The following CLRN1 variants were observed in gnomAD, a reference collection of about 807,000 sequenced individuals.
The protein encoded by CLRN1 is clarin-1.
CLRN1 carries 15 observed loss-of-function variants against 18.7 expected under a neutral mutation model. That is an observed-to-expected ratio of 0.80 (90% CI 0.54 to 1.23). The LOEUF (loss-of-function observed/expected upper bound fraction) is 1.23, where lower values mean the gene tolerates loss of function less well. Among genes scored for constraint, CLRN1 ranks in the 50% most tolerant of loss-of-function variants. The probability of loss-of-function intolerance (pLI) is 0.00; values close to 1 mark genes in which losing one functional copy is unlikely to be tolerated. For missense variants in CLRN1, 311 were observed against 277.5 expected, an observed-to-expected ratio of 1.12 and a Z score of -0.86; for synonymous variants, 104 against 102.9, an observed-to-expected ratio of 1.01 and a Z score of -0.07.
chr3:150,971,085 C>A (rs1052200310), intron 1 of CLRN1, among the ~76,000 whole-genome samples: 6 of 152,198 alleles, frequency 3.9e-5, no homozygotes, highest in Non-Finnish European at 5.9e-5. Context: ...CTGTGAGAAG[C>A]TTTACTCACG....
At chr3:150,961,382 G>A (rs531031914) in intron 1 of CLRN1, among the ~76,000 whole-genome samples, 2 of 152,316 alleles carry the variant, frequency 1.3e-5, no homozygotes, top group East Asian at 1.9e-4. Flanking sequence ...CTCAGGATCA[G>A]TAGTTTTAAG....
chr3:150,968,773 A>G (rs948371551), intron 1 of CLRN1, among the ~76,000 whole-genome samples: 21 of 152,190 alleles, frequency 1.4e-4, no homozygotes, highest in Non-Finnish European at 8.8e-5. Context: ...ACTTGTTCAG[A>G]GCAAATCCCC....
In CLRN1 at chr3:150,927,600, C is replaced by G. The variant is rs1294012378; in HGVS notation, c.*336G>C. 4 of 485,218 alleles carry G rather than the reference C, an allele frequency of 8.2e-6. No homozygotes were observed. The highest frequency in any genetic ancestry group is 1.6e-5 in the Non-Finnish European group (4 of 249,448). The allele number at this position is 485,218 out of a possible 1,614,324, so 30.1% of individuals were successfully genotyped here. On this transcript the variant is annotated 3_prime_UTR_variant, in exon 3 of 3. Transcript: ENST00000327047. ...TTTTTATTAAAATATATTCCATGTG[C>G]CTTTGATATCTTTTTGATAGGAAGA...
At chr3:150,964,961 G>A (rs891854200) in intron 1 of CLRN1, among the ~76,000 whole-genome samples, 9 of 152,108 alleles carry the variant, frequency 5.9e-5, no homozygotes, top group African/African-American at 2.2e-4. Context: ...ATGACAGGTT[G>A]ATGGGTGCAA....
intron 1 of CLRN1, among the ~76,000 whole-genome samples, chr3:150,964,315 C>T (rs866208922): frequency 2.0e-5 from 3 of 152,166 alleles, no homozygotes; most frequent in Non-Finnish European, 4.4e-5. Context: ...AGCTCATCAT[C>T]ACTTGTCATT....
rs950048653 is a variant in CLRN1 at position 150,927,191 on chromosome 3, G to T, written c.*745C>A. 1.6e-4 allele frequency: 88 copies of T among 564,918 alleles called. No individual in the cohort carries two copies. Among genetic ancestry groups the T allele is most frequent in the African/African-American group, 1.4e-3 (75 of 53,840 alleles). The allele number at this position is 564,918 out of a possible 1,614,324, so 35.0% of individuals were successfully genotyped here. ...CGGGAGGAAAAATACCCTAAGCTTG[G>T]TTTTTTCTTCTTTTCTTCTTTTAGA... On this transcript the variant is annotated 3_prime_UTR_variant, in exon 3 of 3. Transcript: ENST00000327047.
intron 1 of CLRN1, among the ~76,000 whole-genome samples, chr3:150,966,329 A>G (rs1176286095): frequency 3.3e-5 from 5 of 152,172 alleles, no homozygotes; most frequent in African/African-American, 1.2e-4. Flanking sequence ...AAAACAAAAC[A>G]AATACTCTTG....
intron 1 of CLRN1, among the ~76,000 whole-genome samples, chr3:150,955,053 T>C (rs1388890049): frequency 1.3e-5 from 2 of 152,196 alleles, no homozygotes; most frequent in African/African-American, 4.8e-5. Context: ...TGTGATGAAA[T>C]ACTAGTCAGC....
At chr3:150,951,350 T>TA (rs78356153) in intron 1 of CLRN1, among the ~76,000 whole-genome samples, 4 of 150,612 alleles carry the variant, frequency 2.7e-5, no homozygotes, top group Admixed American at 6.6e-5. Flanking sequence ...TATATATATA[T>TA]TTTTTGAGAC....
intron 1 of CLRN1, among the ~76,000 whole-genome samples, chr3:150,966,271 A>G (rs62284763): frequency 2.6e-5 from 4 of 152,208 alleles, no homozygotes; most frequent in Non-Finnish European, 5.9e-5. Context: ...CTGTGATCAC[A>G]CCACTGCACT....
chr3:150,937,250 C>T (rs1713546606), intron 2 of CLRN1, among the ~76,000 whole-genome samples: 1 of 152,036 alleles, frequency 6.6e-6, no homozygotes, highest in Non-Finnish European at 1.5e-5. Context: ...TTTGACTCTC[C>T]CACTAGACAA....
chr3:150,964,893 C>T (rs1260532034), intron 1 of CLRN1, among the ~76,000 whole-genome samples: 4 of 151,768 alleles, frequency 2.6e-5, no homozygotes, highest in African/African-American at 9.7e-5. Flanking sequence ...CACACCGGGG[C>T]TTGTCGGTGG....
intron 1 of CLRN1, chr3:150,945,756 C>T (rs115604164): frequency 0.026 from 21,267 of 810,282 alleles, 384 homozygotes; most frequent in South Asian, 0.053. Flanking sequence ...AAGATGAAAG[C>T]ATTTAGCAAT....
chr3:150,969,903 G>T (rs1715451158), intron 1 of CLRN1, among the ~76,000 whole-genome samples: 1 of 152,128 alleles, frequency 6.6e-6, no homozygotes, highest in African/African-American at 2.4e-5. Context: ...TTGAACCCAG[G>T]AGGGGTAGTT....
At position 150,949,588 on chromosome 3, in the gene CLRN1, A is replaced by G. The variant is rs768131110; in HGVS notation, c.254-7827T>C. Among the ~76,000 whole-genome samples the G allele has an allele frequency of 3.9e-4, 59 of 152,320 alleles. No individual in the cohort carries two copies. The Middle Eastern group carries it at 0.017, about 44-fold the overall frequency. ...AGGGCCAAATCAGAAAAGCAATCCC[A>G]TTCACAATTACTACAGAAAGAATAC... On this transcript the variant is annotated intron_variant, in intron 1 of 2. Coordinates refer to ENST00000327047, the MANE Select transcript of CLRN1 (RefSeq NM_174878.3).
At chr3:150,943,957 T>A in intron 1 of CLRN1, 1 of 1,566,462 alleles carries the variant, frequency 6.4e-7, no homozygotes, top group South Asian at 1.1e-5. Flanking sequence ...GGGGTACCCC[T>A]GTTGGGAGTC....
chr3:150,930,702 C>G (rs1038995799), intron 2 of CLRN1, among the ~76,000 whole-genome samples: 1 of 152,078 alleles, frequency 6.6e-6, no homozygotes, highest in African/African-American at 2.4e-5. Context: ...ACCATAAGAG[C>G]CTTCTTTGTC....
chr3:150,954,928 T>C lies in CLRN1; in HGVS notation c.254-13167A>G, dbSNP rs1051501287. 5.3e-5 allele frequency among the ~76,000 whole-genome samples: 8 copies of C among 152,346 alleles called. No individual in the cohort carries two copies. In the South Asian group the frequency reaches 8.3e-4, roughly 16 times the overall value. ...TATTTACCTAAGAGAATTGAAAACA[T>C]GTGTCCACACAAAAATCTGTATGCA... On this transcript the variant is annotated intron_variant, in intron 1 of 2. Coordinates refer to ENST00000327047, the MANE Select transcript of CLRN1 (RefSeq NM_174878.3).
intron 2 of CLRN1, among the ~76,000 whole-genome samples, chr3:150,932,495 A>G (rs1713213234): frequency 1.3e-5 from 2 of 152,340 alleles, no homozygotes; most frequent in South Asian, 4.1e-4. Context: ...TAAAGTAATG[A>G]TCAGCATTTT....
Sources: gnomAD v4.1 joint callset for allele counts (sites outside exome capture counted in the v4.1 genomes callset) on GRCh38, gnomAD v4.1.1 for gene constraint, MANE v1.5 for transcripts, NCBI Gene and HGNC (gene_info 2026-07-23, HGNC 2026-07-21) for gene names.